The following NRXN1 variants were observed in gnomAD, a reference collection of about 807,000 sequenced individuals.
The protein encoded by NRXN1 is neurexin 1, also known as neurexin-1.
Under a neutral mutation model 150.9 loss-of-function variants are expected in NRXN1, and 39 were observed. The observed-to-expected ratio is 0.26, with a 90% confidence interval of 0.20 to 0.34. The LOEUF (loss-of-function observed/expected upper bound fraction) is 0.34. Ranked by LOEUF, NRXN1 falls within the 10% of genes least tolerant of loss-of-function variation. NRXN1 has a pLI of 1.00. For missense variants in NRXN1, 1,815 were observed against 1,949.9 expected, an observed-to-expected ratio of 0.93 and a Z score of 1.30; for synonymous variants, 924 against 757.0, an observed-to-expected ratio of 1.22 and a Z score of -3.62.
chr2:50,336,565 G>C (rs2077204435), intron 17 of NRXN1, among the ~76,000 whole-genome samples: 1 of 152,208 alleles, frequency 6.6e-6, no homozygotes, highest in African/African-American at 2.4e-5. Flanking sequence ...TCTCAGGAGA[G>C]TATAATCATA....
chr2:50,785,487 G>T (rs1704986118), intron 5 of NRXN1, among the ~76,000 whole-genome samples: 2 of 151,966 alleles, frequency 1.3e-5, no homozygotes, highest in African/African-American at 4.8e-5. Context: ...TGACCTCATG[G>T]TCCGCCCGCC....
In NRXN1 at chr2:50,940,486, A is replaced by G. The variant is rs112617505; in HGVS notation, c.773-14531T>C. On this transcript the variant is annotated intron_variant, in intron 2 of 22. Coordinates refer to ENST00000401669, the MANE Select transcript of NRXN1 (RefSeq NM_001330078.2). The stretch of plus-strand genomic sequence containing the variant: ...AAGACTCCATCTCAAAAAAAAAAAA[A>G]AAAGAAAAGAAAAGAAAACCAAAGG... Among the ~76,000 whole-genome samples the G allele has an allele frequency of 4.6e-5, 7 of 151,778 alleles. No homozygotes were observed. The East Asian group carries it at 1.4e-3, about 29-fold the overall frequency.
chr2:50,171,454 A>G (rs986575430), intron 18 of NRXN1, among the ~76,000 whole-genome samples: 1 of 152,126 alleles, frequency 6.6e-6, no homozygotes, highest in Non-Finnish European at 1.5e-5. Context: ...CTGTTTAAAT[A>G]ACACTGTTAT....
intron 5 of NRXN1, among the ~76,000 whole-genome samples, chr2:50,849,278 G>A (rs779285049): frequency 6.6e-6 from 1 of 152,164 alleles, no homozygotes; most frequent in Non-Finnish European, 1.5e-5. Context: ...TTTCTAAGAG[G>A]ATTTACTTTA....
chr2:50,150,726 C>T (rs1180532725), intron 18 of NRXN1, among the ~76,000 whole-genome samples: 1 of 151,664 alleles, frequency 6.6e-6, no homozygotes, highest in Non-Finnish European at 1.5e-5. Context: ...AAAACTATAC[C>T]TCCTTTTACA....
chr2:50,573,958 G>A (rs1671031668), intron 8 of NRXN1, among the ~76,000 whole-genome samples: 1 of 152,042 alleles, frequency 6.6e-6, no homozygotes, highest in South Asian at 2.1e-4. Flanking sequence ...CCATGTGGAT[G>A]AGGAGGGGTC....
chr2:50,262,701 A>G (rs1282211202), intron 17 of NRXN1, among the ~76,000 whole-genome samples: 1 of 151,978 alleles, frequency 6.6e-6, no homozygotes, highest in Non-Finnish European at 1.5e-5. Flanking sequence ...AGTTGTGAAA[A>G]TATAAGGAAA....
At chr2:50,213,233 A>C (rs1025457652) in intron 18 of NRXN1, among the ~76,000 whole-genome samples, 5 of 151,912 alleles carry the variant, frequency 3.3e-5, no homozygotes, top group African/African-American at 1.2e-4. Flanking sequence ...TAAGCTAGGC[A>C]CGGTTTTAGG....
At chr2:50,682,404 T>A (rs1690538369) in intron 5 of NRXN1, among the ~76,000 whole-genome samples, 1 of 152,166 alleles carries the variant, frequency 6.6e-6, no homozygotes, top group African/African-American at 2.4e-5. Flanking sequence ...GAGGTAAGAA[T>A]AGGCTTTGAA....
At chr2:50,230,898 C>T (rs889000680) in intron 18 of NRXN1, among the ~76,000 whole-genome samples, 1 of 151,986 alleles carries the variant, frequency 6.6e-6, no homozygotes, top group Non-Finnish European at 1.5e-5. Context: ...ACATTTTCCC[C>T]AAAAATGACT....
intron 2 of NRXN1, among the ~76,000 whole-genome samples, chr2:51,022,826 TTG>T (rs1440225090): frequency 1.3e-5 from 2 of 152,208 alleles, no homozygotes; most frequent in African/African-American, 2.4e-5. Context: ...CAAATATATT[TTG>T]TCACTAGAAC....
At chr2:49,951,075 G>T (rs528340598) in intron 21 of NRXN1, among the ~76,000 whole-genome samples, 2 of 151,934 alleles carry the variant, frequency 1.3e-5, no homozygotes, top group South Asian at 4.1e-4. Flanking sequence ...CCGTGGTAAA[G>T]AAATCACATC....
At chr2:50,996,703 G>T (rs1323412812) in intron 2 of NRXN1, among the ~76,000 whole-genome samples, 2 of 151,962 alleles carry the variant, frequency 1.3e-5, no homozygotes, top group East Asian at 3.9e-4. Context: ...AGATAAGTAG[G>T]TTAGACTTAT....
At chr2:50,480,325 A>G (rs1403638664) in intron 15 of NRXN1, among the ~76,000 whole-genome samples, 1 of 152,172 alleles carries the variant, frequency 6.6e-6, no homozygotes, top group Admixed American at 6.5e-5. Flanking sequence ...CAATTAAAAT[A>G]TGTACAAAAA....
chr2:50,600,563 G>C (rs1004721493), intron 8 of NRXN1, among the ~76,000 whole-genome samples: 1 of 152,020 alleles, frequency 6.6e-6, no homozygotes, highest in Admixed American at 6.6e-5. Context: ...GACCTCAAGT[G>C]ATCCACCTGC....
At chr2:50,132,866 T>C (rs1018244904) in intron 18 of NRXN1, among the ~76,000 whole-genome samples, 18 of 151,846 alleles carry the variant, frequency 1.2e-4, no homozygotes, top group African/African-American at 4.4e-4. Flanking sequence ...CTTTTTTTTT[T>C]TTTTTTACCT....
chr2:50,093,424 C>G (rs7586286), intron 18 of NRXN1, among the ~76,000 whole-genome samples: 76,850 of 148,174 alleles, frequency 0.52, 20,338 homozygotes, highest in African/African-American at 0.57. Flanking sequence ...GGAGACCAGC[C>G]TGGGAAACAT....
chr2:50,943,447 G>GC (rs1258094985), intron 2 of NRXN1, among the ~76,000 whole-genome samples: 1 of 152,104 alleles, frequency 6.6e-6, no homozygotes, highest in Non-Finnish European at 1.5e-5. Flanking sequence ...AGTGTCACTG[G>GC]CAACAAGACA....
chr2:50,030,789 A>T (rs1427109958), intron 21 of NRXN1, among the ~76,000 whole-genome samples: 1 of 152,136 alleles, frequency 6.6e-6, no homozygotes, highest in Non-Finnish European at 1.5e-5. Context: ...AGCAGTAACT[A>T]GTTATGGCAT....
Sources: gnomAD v4.1 joint callset for allele counts (sites outside exome capture counted in the v4.1 genomes callset) on GRCh38, gnomAD v4.1.1 for gene constraint, MANE v1.5 for transcripts, NCBI Gene and HGNC (gene_info 2026-07-23, HGNC 2026-07-21) for gene names.